SEL1L: variants seen among roughly 807,000 people sequenced by gnomAD.
SEL1L encodes the protein SEL1L adaptor subunit of SYVN1 ubiquitin ligase.
SEL1L carries 52 observed loss-of-function variants against 109.8 expected under a neutral mutation model. That is an observed-to-expected ratio of 0.47 (90% CI 0.38 to 0.60). The LOEUF (loss-of-function observed/expected upper bound fraction) is 0.60. Ranked by LOEUF, SEL1L falls within the 20% of genes least tolerant of loss-of-function variation. The pLI is 0.00. For synonymous variants in SEL1L, 373 were observed against 339.6 expected (o/e 1.10, Z -1.08); for missense variants, 749 against 962.2 (o/e 0.78, Z 2.93).
At chr14:81,504,835 G>GCA (rs1026789318) in intron 4 of SEL1L, among the ~76,000 whole-genome samples, 3 of 152,092 alleles carry the variant, frequency 2.0e-5, no homozygotes, top group African/African-American at 7.2e-5. Flanking sequence ...AAAGTATGTG[G>GCA]CACCTTGCTC....
At position 81,486,399 on chromosome 14, in the gene SEL1L, T is replaced by C. The variant is rs1379950156; in HGVS notation, c.1688A>G (p.Tyr563Cys). Residue 563 changes from tyrosine (Y) to cysteine (C), a missense_variant, in exon 17 of 21, where the codon TAT becomes TGT. Around this residue, in one of 2 missense-constraint regions of SEL1L, gnomAD observed 383 missense variants for 562.5 expected, o/e 0.68. Coordinates refer to ENST00000336735, the MANE Select transcript of SEL1L (RefSeq NM_005065.6). ...GRWSERLMTA[Y>C]NSYKDGDYNA... Reference sequence around the variant, plus strand: ...GTAATCGCCATCTTTATAGCTGTTATAGGCAGTCATAAGCCTTTCAGACCA... The same window carrying C: ...GTAATCGCCATCTTTATAGCTGTTACAGGCAGTCATAAGCCTTTCAGACCA... 3.7e-6 allele frequency: 6 copies of C among 1,614,044 alleles called. No individual in the cohort carries two copies. Among genetic ancestry groups the C allele is most frequent in the Admixed American group, 3.3e-5 (2 of 60,002 alleles).
In SEL1L at chr14:81,492,505, G is replaced by T; in HGVS notation, c.1229C>A (p.Ser410Ter). Residue 410 changes from serine (S) to a stop codon, truncating the protein, a stop_gained, in exon 12 of 21, where the codon TCA (serine) becomes TAA (stop). Coordinates refer to ENST00000336735, the MANE Select transcript of SEL1L (RefSeq NM_005065.6). LOFTEE classifies it high-confidence loss of function. ...YFNLAANAGNSHAMAFLGKMY... is the reference protein window; with the variant it reads ...YFNLAANAGN ...CTTTCCCAAAAAGGCCATGGCATGT[G>T]AATTGCCAGCATTTGCTGCTAAATT... 6.2e-7 allele frequency: 1 copy of T among 1,612,630 alleles called. No homozygotes were observed. The highest frequency in any genetic ancestry group is 1.1e-5 in the South Asian group (1 of 90,640).
chr14:81,522,260 G>A (rs1482468758), intron 3 of SEL1L, among the ~76,000 whole-genome samples: 1 of 152,096 alleles, frequency 6.6e-6, no homozygotes, highest in Non-Finnish European at 1.5e-5. Flanking sequence ...GTTTATAAAA[G>A]TTTACAGTGG....
chr14:81,492,415 C>G, intron 12 of SEL1L, 65 bp downstream of exon 12: 1 of 1,138,984 alleles, frequency 8.8e-7, no homozygotes, highest in South Asian at 1.3e-5. Context: ...ATCCTGAACA[C>G]AATACATGCT....
At chr14:81,498,611 T>A in intron 8 of SEL1L, 117 bp from the exon 9 acceptor site, 1 of 691,456 alleles carries the variant, frequency 1.4e-6, no homozygotes, top group Admixed American at 2.7e-5. Context: ...CCAAGTACAC[T>A]AACACCTTAT....
chr14:81,485,438 G>A (rs1644346502), intron 18 of SEL1L, among the ~76,000 whole-genome samples: 1 of 149,976 alleles, frequency 6.7e-6, no homozygotes, highest in South Asian at 2.1e-4. Context: ...ACCATGCCCA[G>A]CTAATTTTTT....
chr14:81,502,191 C>T (rs1222240497), intron 6 of SEL1L, among the ~76,000 whole-genome samples: 2 of 151,862 alleles, frequency 1.3e-5, no homozygotes, highest in African/African-American at 4.8e-5. Context: ...ATAAAAATAT[C>T]GTGTATATAT....
At chr14:81,530,746 G>A (rs945399671) in intron 1 of SEL1L, among the ~76,000 whole-genome samples, 8 of 152,092 alleles carry the variant, frequency 5.3e-5, no homozygotes, top group African/African-American at 1.9e-4. Context: ...TGTCAATGAC[G>A]AGGATATGTT....
chr14:81,492,641 A>T, intron 11 of SEL1L, 93 bp from the exon 12 acceptor site: 1 of 839,642 alleles, frequency 1.2e-6, no homozygotes, highest in South Asian at 1.8e-5. Flanking sequence ...CATTTAAAAA[A>T]TCTTGTTATA....
At chr14:81,530,943 G>C (rs1885297290) in intron 1 of SEL1L, among the ~76,000 whole-genome samples, 1 of 152,096 alleles carries the variant, frequency 6.6e-6, no homozygotes, top group Non-Finnish European at 1.5e-5. Flanking sequence ...CATAAACATA[G>C]CTAAACATAG....
At chr14:81,496,745 A>T (rs7147799) in intron 10 of SEL1L, among the ~76,000 whole-genome samples, 4,567 of 152,324 alleles carry the variant, frequency 0.03, 214 homozygotes, top group African/African-American at 0.1. Flanking sequence ...AAAAAATAAA[A>T]AAATAAATAA....
chr14:81,492,216 C>T (rs1431670925), intron 12 of SEL1L, among the ~76,000 whole-genome samples: 2 of 152,142 alleles, frequency 1.3e-5, no homozygotes, highest in East Asian at 3.9e-4. Flanking sequence ...TGGTCTCCAT[C>T]TCCTGACCTC....
intron 8 of SEL1L, chr14:81,498,711 C>T: frequency 2.5e-6 from 1 of 407,044 alleles, no homozygotes; most frequent in South Asian, 6.5e-5. Flanking sequence ...TAATATAGTT[C>T]CTAGAGCAAT....
chr14:81,524,222 C>G (rs1003024720), intron 3 of SEL1L, among the ~76,000 whole-genome samples: 1 of 152,110 alleles, frequency 6.6e-6, no homozygotes, highest in South Asian at 2.1e-4. Context: ...GTTGCCAAAA[C>G]CCCTAGGCAA....
intron 15 of SEL1L, 117 bp downstream of exon 15, chr14:81,487,736 GGA>G: frequency 6.6e-7 from 1 of 1,523,630 alleles, no homozygotes; most frequent in Non-Finnish European, 8.8e-7. Context: ...CATTGAACTG[GGA>G]GAACATTTAA....
chr14:81,517,271 A>C (rs1406539800), intron 3 of SEL1L, among the ~76,000 whole-genome samples: 2 of 152,190 alleles, frequency 1.3e-5, no homozygotes, highest in Non-Finnish European at 2.9e-5. Context: ...TGCTGGCTAA[A>C]ATGAGGGAAA....
At chr14:81,480,297 C>T (rs555956001) in intron 19 of SEL1L, among the ~76,000 whole-genome samples, 1 of 152,274 alleles carries the variant, frequency 6.6e-6, no homozygotes, top group African/African-American at 2.4e-5. Context: ...TCACGCCATT[C>T]TCCTGCCTCA....
At chr14:81,518,628 C>T (rs1183910844) in intron 3 of SEL1L, among the ~76,000 whole-genome samples, 1 of 142,416 alleles carries the variant, frequency 7.0e-6, no homozygotes, top group African/African-American at 2.8e-5. Context: ...CCACTGCACT[C>T]CAACCTGGGG....
chr14:81,522,238 CT>C (rs1884938494), intron 3 of SEL1L, among the ~76,000 whole-genome samples: 1 of 152,048 alleles, frequency 6.6e-6, no homozygotes, highest in African/African-American at 2.4e-5. Flanking sequence ...TTAGTGCAGC[CT>C]AAGTGTACTT....
Sources: gnomAD v4.1 joint callset for allele counts (sites outside exome capture counted in the v4.1 genomes callset) on GRCh38, gnomAD v4.1.1 for gene constraint, gnomAD v4.1.1 regional missense constraint, MANE v1.5 for transcripts, NCBI Gene and HGNC (gene_info 2026-07-23, HGNC 2026-07-21) for gene names.